PRELID2: variants seen among roughly 807,000 people sequenced by gnomAD.
PRELID2 encodes PRELI domain-containing protein 2.
PRELID2 carries 25 observed loss-of-function variants against 28.4 expected under a neutral mutation model. The ratio of observed to expected loss-of-function variants is 0.88; its 90% CI spans 0.64 to 1.23. The LOEUF (loss-of-function observed/expected upper bound fraction) is 1.23. Ranked by LOEUF, PRELID2 falls within the 50% of genes most tolerant of loss-of-function variation. The probability of loss-of-function intolerance (pLI) is 0.00; values close to 1 mark genes in which losing one functional copy is unlikely to be tolerated. For synonymous variants in PRELID2, 76 were observed against 71.6 expected (o/e 1.06, Z -0.31); for missense variants, 201 against 214.4 (o/e 0.94, Z 0.39).
intron 1 of PRELID2, among the ~76,000 whole-genome samples, chr5:145,491,257 A>G (rs910300791): frequency 3.9e-5 from 6 of 152,108 alleles, no homozygotes; most frequent in African/African-American, 1.4e-4. Flanking sequence ...TGGTAAGGCT[A>G]TGCTTTCTCA....
chr5:145,826,504 CA>C (rs1327739542), intron 1 of PRELID2, among the ~76,000 whole-genome samples: 4 of 152,156 alleles, frequency 2.6e-5, no homozygotes, highest in Non-Finnish European at 5.9e-5. Flanking sequence ...CTTCATTTTG[CA>C]TTTCCTTATA....
intron 1 of PRELID2, among the ~76,000 whole-genome samples, chr5:145,628,992 GA>G (rs1753895444): frequency 6.6e-6 from 1 of 152,208 alleles, no homozygotes; most frequent in South Asian, 2.1e-4. Context: ...AAGGTGGTTT[GA>G]AAATTTGCTT....
intron 2 of PRELID2, among the ~76,000 whole-genome samples, chr5:145,472,632 G>A (rs948027022): frequency 6.6e-6 from 1 of 152,114 alleles, no homozygotes; most frequent in Non-Finnish European, 1.5e-5. Context: ...GCAGAAAATT[G>A]TCTGGAGGTA....
the PRELID2 span, among the ~76,000 whole-genome samples, chr5:145,347,142 A>G: frequency 6.6e-6 from 1 of 152,178 alleles, no homozygotes; most frequent in Non-Finnish European, 1.5e-5. Context: ...TTCTGCATCT[A>G]AGAAACTTCT....
At chr5:145,364,721 G>A in the PRELID2 span, among the ~76,000 whole-genome samples, 1 of 151,794 alleles carries the variant, frequency 6.6e-6, no homozygotes, top group East Asian at 1.9e-4. Flanking sequence ...AAAATTCTAT[G>A]GTATATGCAG....
chr5:145,482,044 C>A (rs1361709490), intron 1 of PRELID2, among the ~76,000 whole-genome samples: 1 of 152,156 alleles, frequency 6.6e-6, no homozygotes, highest in Non-Finnish European at 1.5e-5. Flanking sequence ...GCAGGGATTT[C>A]TCTTCCACAT....
chr5:145,364,729 C>A, the PRELID2 span, among the ~76,000 whole-genome samples: 1 of 151,916 alleles, frequency 6.6e-6, no homozygotes, highest in East Asian at 1.9e-4. Context: ...ATGGTATATG[C>A]AGACAACACT....
chr5:145,713,777 G>GAATTACATTTTAAATGT (rs1755770356), intron 1 of PRELID2, among the ~76,000 whole-genome samples: 1 of 146,432 alleles, frequency 6.8e-6, no homozygotes, highest in African/African-American at 2.5e-5. Flanking sequence ...GAAGACAATG[G>GAATTACATTTTAAATGT]AATTACATTT....
the PRELID2 span, among the ~76,000 whole-genome samples, chr5:145,392,976 T>C: frequency 7.2e-5 from 11 of 152,174 alleles, no homozygotes; most frequent in Non-Finnish European, 1.3e-4. Flanking sequence ...GGCTTTAATC[T>C]CCTGCTCCAT....
chr5:145,643,060 A>G (rs558210697), intron 1 of PRELID2, among the ~76,000 whole-genome samples: 3 of 152,270 alleles, frequency 2.0e-5, no homozygotes, highest in South Asian at 2.1e-4. Flanking sequence ...AAGAAAGTCA[A>G]TGGTAGCTTG....
intron 1 of PRELID2, among the ~76,000 whole-genome samples, chr5:145,560,633 T>A (rs73309610): frequency 0.011 from 1,739 of 152,334 alleles, 42 homozygotes; most frequent in African/African-American, 0.04. Flanking sequence ...AGTGAAGCTG[T>A]GCTTAGCAAC....
At chr5:145,490,684 C>A (rs778682992) in intron 1 of PRELID2, among the ~76,000 whole-genome samples, 15 of 152,118 alleles carry the variant, frequency 9.9e-5, no homozygotes, top group Non-Finnish European at 1.5e-4. Flanking sequence ...GTTTTCAATT[C>A]TCATCTGTTG....
the PRELID2 span, among the ~76,000 whole-genome samples, chr5:145,265,914 G>A: frequency 6.6e-6 from 1 of 152,080 alleles, no homozygotes; most frequent in African/African-American, 2.4e-5. Context: ...AAGACTTCAT[G>A]GGCAATAACC....
At chr5:145,637,094 C>A (rs1754013660) in intron 1 of PRELID2, among the ~76,000 whole-genome samples, 1 of 152,038 alleles carries the variant, frequency 6.6e-6, no homozygotes, top group African/African-American at 2.4e-5. Context: ...AAAGACTCTT[C>A]CAACTGGAAT....
At chr5:145,236,725 A>G in the PRELID2 span, among the ~76,000 whole-genome samples, 1 of 152,122 alleles carries the variant, frequency 6.6e-6, no homozygotes, top group East Asian at 1.9e-4. Context: ...TTTACTGGGC[A>G]CTGACCAAAG....
chr5:145,421,719 T>G, the PRELID2 span, among the ~76,000 whole-genome samples: 4 of 145,458 alleles, frequency 2.7e-5, no homozygotes, highest in Admixed American at 7.1e-5. Flanking sequence ...AGGGTTTTTT[T>G]GTCTCTATTT....
rs550591605 is a variant in PRELID2, at chr5:145,511,647, A to G, written n.71-38332T>C. Among the ~76,000 whole-genome samples the G allele has an allele frequency of 1.6e-4, 24 of 152,334 alleles. No homozygotes were observed. The South Asian group carries it at 4.8e-3, about 30-fold the overall frequency. On this transcript the variant is annotated intron_variant and non_coding_transcript_variant, in intron 1 of 2. Transcript: ENST00000510259. ...AGTGGCCTTTCCTTCATGGTTACAGAATGACTGTTTCAACTCTGGGCATGA... is the reference window on the plus strand; with the variant it reads ...AGTGGCCTTTCCTTCATGGTTACAGGATGACTGTTTCAACTCTGGGCATGA...
the PRELID2 span, among the ~76,000 whole-genome samples, chr5:145,250,451 A>G: frequency 6.6e-6 from 1 of 152,180 alleles, no homozygotes; most frequent in East Asian, 1.9e-4. Context: ...AGTGTAGTAT[A>G]AAACATGGCT....
At chr5:145,576,336 G>A (rs1753059909) in intron 1 of PRELID2, among the ~76,000 whole-genome samples, 1 of 152,056 alleles carries the variant, frequency 6.6e-6, no homozygotes, top group Admixed American at 6.6e-5. Context: ...GGGCTTGCCT[G>A]TTCTGGACAG....
Sources: allele counts gnomAD v4.1 joint callset (sites outside exome capture counted in the v4.1 genomes callset), GRCh38; gene constraint gnomAD v4.1.1; transcripts MANE v1.5; gene names NCBI Gene and HGNC (gene_info 2026-07-23, HGNC 2026-07-21).